Variants in CDH12 observed in about 807,000 individuals in gnomAD.
CDH12 encodes cadherin-12.
Under a neutral mutation model 74.1 loss-of-function variants are expected in CDH12, and 41 were observed. The observed-to-expected ratio is 0.55, with a 90% CI of 0.43 to 0.72. CDH12 has a LOEUF of 0.72. Ranked by LOEUF, CDH12 falls within the 30% of genes least tolerant of loss-of-function variation. CDH12 has a pLI of 0.00. For missense variants in CDH12, 945 were observed against 977.2 expected, an observed-to-expected ratio of 0.97 and a Z score of 0.44; for synonymous variants, 399 against 355.0, an observed-to-expected ratio of 1.12 and a Z score of -1.39.
intron 2 of CDH12, among the ~76,000 whole-genome samples, chr5:22,413,482 G>A (rs969629497): frequency 6.6e-6 from 1 of 151,958 alleles, no homozygotes; most frequent in African/African-American, 2.4e-5. Context: ...TGAAAGTTAT[G>A]AGTGACTATT....
chr5:22,027,483 A>G (rs1357575009), intron 5 of CDH12, among the ~76,000 whole-genome samples: 7 of 152,182 alleles, frequency 4.6e-5, no homozygotes, highest in Non-Finnish European at 7.3e-5. Flanking sequence ...TTATTGCCAC[A>G]GTTACAGAGC....
chr5:22,333,527 G>A (rs1450127284), intron 3 of CDH12, among the ~76,000 whole-genome samples: 1 of 152,050 alleles, frequency 6.6e-6, no homozygotes, highest in East Asian at 1.9e-4. Context: ...GGATCCGATG[G>A]CTTCACTGCT....
rs79276937 is a variant in CDH12, at chr5:22,069,448, T to C, written c.231+8998A>G. Among the ~76,000 whole-genome samples the C allele has an allele frequency of 5.4e-4, 83 of 152,312 alleles. No individual in the cohort carries two copies. The East Asian group carries it at 0.014, about 27-fold the overall frequency. On this transcript the variant is annotated intron_variant, in intron 5 of 14. Transcript: ENST00000382254. Reference sequence around the variant, plus strand: ...GAATAAATCTCAAGCCAGAAGTGACTGGTCTGCAATTATGAGGTAGAAATG... The same window carrying C: ...GAATAAATCTCAAGCCAGAAGTGACCGGTCTGCAATTATGAGGTAGAAATG...
intron 10 of CDH12, among the ~76,000 whole-genome samples, chr5:21,784,726 A>G (rs1184243858): frequency 1.3e-5 from 2 of 152,204 alleles, no homozygotes; most frequent in Non-Finnish European, 2.9e-5. Flanking sequence ...GAAAGTGTTC[A>G]TTGTGAAAAG....
intron 3 of CDH12, among the ~76,000 whole-genome samples, chr5:22,277,339 C>T (rs1414008699): frequency 6.6e-6 from 1 of 152,154 alleles, no homozygotes; most frequent in Non-Finnish European, 1.5e-5. Flanking sequence ...TAATACAAGA[C>T]ACTTCATCAA....
At chr5:22,049,897 G>A (rs555817328) in intron 5 of CDH12, among the ~76,000 whole-genome samples, 42 of 152,072 alleles carry the variant, frequency 2.8e-4, no homozygotes, top group Non-Finnish European at 4.4e-4. Flanking sequence ...TGCCATCAGA[G>A]AGTGCTATCA....
At chr5:22,684,608 G>GT (rs1242941930) in intron 1 of CDH12, among the ~76,000 whole-genome samples, 2 of 152,208 alleles carry the variant, frequency 1.3e-5, no homozygotes, top group Non-Finnish European at 2.9e-5. Flanking sequence ...TTTCAAACGC[G>GT]TAGGAGAATC....
At chr5:21,999,964 T>A (rs1308992968) in intron 5 of CDH12, among the ~76,000 whole-genome samples, 1 of 152,138 alleles carries the variant, frequency 6.6e-6, no homozygotes, top group Non-Finnish European at 1.5e-5. Context: ...TGCAAATACT[T>A]TTGCACTACT....
At chr5:21,837,797 A>AT (rs1749624079) in intron 8 of CDH12, among the ~76,000 whole-genome samples, 1 of 152,126 alleles carries the variant, frequency 6.6e-6, no homozygotes, top group African/African-American at 2.4e-5. Context: ...AGGGAGATGA[A>AT]TTTTTTATTC....
Position 21,975,221 on chromosome 5 carries a change from C to T in CDH12, c.396G>A (p.Val132=). The T allele has an allele frequency of 6.3e-7, 1 of 1,597,280 alleles. No homozygotes were observed. The highest frequency in any genetic ancestry group is 8.5e-7 in the Non-Finnish European group (1 of 1,179,650). Residue 132 remains valine, a synonymous_variant, in exon 6 of 15, where the codon GTG becomes GTA. Transcript: ENST00000382254. The part of the protein sequence containing the change: ...KPFYTLRAQA[V]DIETRKPLEP... ...CCAGGGGCTTTCTGGTTTCTATGTC[C>T]ACAGCCTGAGCACGAAGAGTGTAGA...
At chr5:22,416,152 A>G (rs1261387) in intron 2 of CDH12, among the ~76,000 whole-genome samples, 133,672 of 143,688 alleles carry the variant, frequency 0.93, 62,205 homozygotes, top group Admixed American at 0.96. Flanking sequence ...TCGGCTCACT[A>G]CAAGCTCCGC....
At chr5:22,336,472 A>AG (rs1180503285) in intron 3 of CDH12, among the ~76,000 whole-genome samples, 2 of 152,180 alleles carry the variant, frequency 1.3e-5, no homozygotes, top group Non-Finnish European at 2.9e-5. Context: ...GAAGAAAAAA[A>AG]GGTTTCATGG....
chr5:22,383,597 G>A lies in CDH12; in HGVS notation c.-333+21660C>T, dbSNP rs147302580. On this transcript the variant is annotated intron_variant, in intron 3 of 14. Coordinates refer to ENST00000382254, the MANE Select transcript of CDH12 (RefSeq NM_004061.5). ...GTTGCTGGTAGAAATTCTCATTTTG[G>A]GAGTTCCTTTCTTACTGGGCATTGC... is the stretch of plus-strand genomic sequence containing the variant. 7.5e-3 allele frequency among the ~76,000 whole-genome samples: 1,149 copies of A among 152,202 alleles called. 12 individuals are homozygous for A. Among genetic ancestry groups the A allele is most frequent in the Non-Finnish European group, 0.01 (713 of 68,014 alleles).
At chr5:22,259,002 T>C (rs1420775293) in intron 3 of CDH12, among the ~76,000 whole-genome samples, 2 of 152,138 alleles carry the variant, frequency 1.3e-5, no homozygotes, top group Admixed American at 1.3e-4. Flanking sequence ...GTCAGTGCCA[T>C]TGCATTTATT....
intron 1 of CDH12, among the ~76,000 whole-genome samples, chr5:22,608,159 G>T (rs1737212983): frequency 6.6e-6 from 1 of 151,870 alleles, no homozygotes; most frequent in Non-Finnish European, 1.5e-5. Context: ...GACACTCAAT[G>T]CCAGCCCATA....
chr5:22,603,078 C>T (rs1335615700), intron 1 of CDH12, among the ~76,000 whole-genome samples: 1 of 151,976 alleles, frequency 6.6e-6, no homozygotes, highest in Non-Finnish European at 1.5e-5. Flanking sequence ...ATTCTGTCTG[C>T]CCATGAATTA....
At chr5:22,740,413 A>T (rs1468502794) in intron 1 of CDH12, among the ~76,000 whole-genome samples, 1 of 151,624 alleles carries the variant, frequency 6.6e-6, no homozygotes, top group Non-Finnish European at 1.5e-5. Flanking sequence ...CCAGTTATAG[A>T]TTCATTAGGT....
intron 4 of CDH12, among the ~76,000 whole-genome samples, chr5:22,123,088 C>A (rs879735943): frequency 1.2e-4 from 19 of 152,148 alleles, no homozygotes; most frequent in Non-Finnish European, 1.6e-4. Context: ...GTGTCTCCCC[C>A]AGAATTGATA....
chr5:22,472,089 G>T (rs1484613032), intron 2 of CDH12, among the ~76,000 whole-genome samples: 1 of 152,138 alleles, frequency 6.6e-6, no homozygotes. Context: ...GTGAAGGACT[G>T]ATATGTCAAG....
Sources: gnomAD v4.1 joint callset for allele counts (sites outside exome capture counted in the v4.1 genomes callset) on GRCh38, gnomAD v4.1.1 for gene constraint, MANE v1.5 for transcripts, NCBI Gene and HGNC (gene_info 2026-07-23, HGNC 2026-07-21) for gene names.